The following SEMA3D variants were observed in gnomAD, a reference collection of about 807,000 sequenced individuals.
SEMA3D encodes semaphorin 3D, also known as semaphorin-3D.
SEMA3D carries 84 observed loss-of-function variants against 100.1 expected under a neutral mutation model. The ratio of observed to expected loss-of-function variants is 0.84; its 90% CI spans 0.70 to 1.01. The LOEUF is 1.01. SEMA3D is among the 50% of genes least tolerant of loss of function. The probability of loss-of-function intolerance (pLI) is 0.00; values close to 1 mark genes in which losing one functional copy is unlikely to be tolerated. For synonymous variants in SEMA3D, 312 were observed against 320.7 expected (o/e 0.97, Z 0.29); for missense variants, 875 against 934.1 (o/e 0.94, Z 0.82).
At chr7:85,220,241 A>G in the SEMA3D span, among the ~76,000 whole-genome samples, 2 of 151,900 alleles carry the variant, frequency 1.3e-5, no homozygotes, top group African/African-American at 4.8e-5. Flanking sequence ...TGTCACTGAC[A>G]CTTTGGTTTG....
chr7:85,160,384 T>A, intron 1 of SEMA3D, among the ~76,000 whole-genome samples: 1 of 151,220 alleles, frequency 6.6e-6, no homozygotes, highest in South Asian at 2.1e-4. Flanking sequence ...AAGATCTGAG[T>A]CAGGCAGAAT....
chr7:85,049,170 G>GA (rs145301191), intron 9 of SEMA3D, among the ~76,000 whole-genome samples: 3,642 of 147,860 alleles, frequency 0.025, 138 homozygotes, highest in African/African-American at 0.086. Context: ...GGATAGAGGA[G>GA]AAAAAAAAAG....
chr7:85,120,432 C>T lies in SEMA3D; in HGVS notation c.151+1309G>A, dbSNP rs570608176. On this transcript the variant is annotated intron_variant, in intron 3 of 18. Coordinates refer to ENST00000284136, the MANE Select transcript of SEMA3D (RefSeq NM_001384900.1). ...CCTATAATCCTAGCACTTTGGGAGGCTGAGGTGGGCAGATCACTTGAGGTC... is the reference window on the plus strand; with the variant it reads ...CCTATAATCCTAGCACTTTGGGAGGTTGAGGTGGGCAGATCACTTGAGGTC... Among the ~76,000 whole-genome samples, 17 of 152,198 alleles carry T rather than the reference C, an allele frequency of 1.1e-4. No homozygotes were observed. The East Asian group carries it at 2.7e-3, about 24-fold the overall frequency.
chr7:85,037,330 C>T (rs759945242), intron 11 of SEMA3D, among the ~76,000 whole-genome samples: 1 of 152,136 alleles, frequency 6.6e-6, no homozygotes, highest in East Asian at 1.9e-4. Flanking sequence ...TAAATTGGCA[C>T]CTGATAGATA....
intron 4 of SEMA3D, among the ~76,000 whole-genome samples, chr7:85,096,911 T>C (rs566827900): frequency 6.6e-6 from 1 of 151,956 alleles, no homozygotes; most frequent in East Asian, 1.9e-4. Flanking sequence ...AAGAACTCAA[T>C]ATTGGTAACT....
intron 3 of SEMA3D, among the ~76,000 whole-genome samples, chr7:85,107,851 CT>C (rs1222383035): frequency 6.6e-6 from 1 of 151,988 alleles, no homozygotes; most frequent in Non-Finnish European, 1.5e-5. Flanking sequence ...TTTATTCCTA[CT>C]GCCCGCCATA....
the SEMA3D span, among the ~76,000 whole-genome samples, chr7:85,204,553 T>C: frequency 6.6e-6 from 1 of 152,032 alleles, no homozygotes; most frequent in Non-Finnish European, 1.5e-5. Flanking sequence ...TAATTTTCAG[T>C]GTAGGATGAT....
chr7:85,232,322 C>T, the SEMA3D span, among the ~76,000 whole-genome samples: 7 of 152,216 alleles, frequency 4.6e-5, no homozygotes, highest in African/African-American at 2.4e-5. Flanking sequence ...ATCACCATTA[C>T]ATCATCCAGA....
At chr7:85,047,171 T>A (rs1344338856) in intron 9 of SEMA3D, among the ~76,000 whole-genome samples, 1 of 151,782 alleles carries the variant, frequency 6.6e-6, no homozygotes, top group African/African-American at 2.4e-5. Flanking sequence ...GAAAAAAAAA[T>A]TAAAGACAAA....
chr7:85,078,001 TG>T (rs1787934264), intron 5 of SEMA3D, among the ~76,000 whole-genome samples: 1 of 152,098 alleles, frequency 6.6e-6, no homozygotes, highest in Non-Finnish European at 1.5e-5. Flanking sequence ...TTAAAAGTAG[TG>T]TTAAAGAATT....
chr7:85,061,228 G>C, intron 8 of SEMA3D, among the ~76,000 whole-genome samples: 1 of 151,996 alleles, frequency 6.6e-6, no homozygotes, highest in Non-Finnish European at 1.5e-5. Flanking sequence ...TCCTCGTAAG[G>C]TATTTGCTAG....
Position 84,996,449 on chromosome 7 carries a change from T to G in SEMA3D, c.*2991A>C, listed in dbSNP as rs1789502536. On this transcript the variant is annotated 3_prime_UTR_variant, in exon 19 of 19. Coordinates refer to ENST00000284136, the MANE Select transcript of SEMA3D (RefSeq NM_001384900.1). ...CACTACTGTTGTGGCTTTTGCAAAT[T>G]ACTAAATTTCTCTGTGACTACTTTT... is the stretch of plus-strand genomic sequence containing the variant. 6.6e-6 allele frequency: 1 copy of G among 152,054 alleles called. No individual in the cohort carries two copies. Among genetic ancestry groups the G allele is most frequent in the Non-Finnish European group, 1.5e-5 (1 of 67,876 alleles). 9.4% of individuals were successfully genotyped at this position (152,054 alleles called of 1,614,324 possible).
At chr7:85,164,980 T>C (rs1197779477) in intron 1 of SEMA3D, among the ~76,000 whole-genome samples, 2 of 126,154 alleles carry the variant, frequency 1.6e-5, no homozygotes, top group Non-Finnish European at 3.2e-5. Context: ...TATCTCCTAA[T>C]GCTATCCCTC....
chr7:85,063,488 CTTCT>C (rs1791532125), intron 8 of SEMA3D, among the ~76,000 whole-genome samples: 1 of 152,124 alleles, frequency 6.6e-6, no homozygotes, highest in South Asian at 2.1e-4. Flanking sequence ...ATTCTACTGG[CTTCT>C]TTAATTGCAA....
At chr7:85,239,078 G>A in the SEMA3D span, among the ~76,000 whole-genome samples, 1 of 152,168 alleles carries the variant, frequency 6.6e-6, no homozygotes, top group Non-Finnish European at 1.5e-5. Flanking sequence ...CCTTATTAAG[G>A]TTTATCAATT....
chr7:85,118,146 C>A (rs920300917), intron 3 of SEMA3D, among the ~76,000 whole-genome samples: 2 of 151,970 alleles, frequency 1.3e-5, no homozygotes, highest in African/African-American at 4.8e-5. Context: ...TTAATTCATG[C>A]AGTAAGTTTT....
At chr7:85,240,821 G>T in the SEMA3D span, among the ~76,000 whole-genome samples, 2 of 151,974 alleles carry the variant, frequency 1.3e-5, no homozygotes, top group Non-Finnish European at 2.9e-5. Flanking sequence ...AAATGCCTGT[G>T]GGATTTTAAT....
chr7:85,123,999 A>T (rs1393110691), intron 2 of SEMA3D, among the ~76,000 whole-genome samples: 1 of 152,088 alleles, frequency 6.6e-6, no homozygotes, highest in Non-Finnish European at 1.5e-5. Context: ...TTTAGTTTTA[A>T]AAACTTCAAT....
At chr7:85,109,213 G>T (rs1415766490) in intron 3 of SEMA3D, among the ~76,000 whole-genome samples, 3 of 151,852 alleles carry the variant, frequency 2.0e-5, no homozygotes, top group African/African-American at 7.2e-5. Flanking sequence ...TTAATTTCCA[G>T]ATGAGAAAAC....
Sources: allele counts gnomAD v4.1 joint callset (sites outside exome capture counted in the v4.1 genomes callset), GRCh38; gene constraint gnomAD v4.1.1; transcripts MANE v1.5; gene names NCBI Gene and HGNC (gene_info 2026-07-23, HGNC 2026-07-21).